Variants in KCNQ5 observed in about 807,000 individuals in gnomAD.
KCNQ5 encodes the protein potassium voltage-gated channel subfamily Q member 5.
KCNQ5 carries 30 observed loss-of-function variants against 98.2 expected under a neutral mutation model. The ratio of observed to expected loss-of-function variants is 0.31; its 90% confidence interval spans 0.23 to 0.41. KCNQ5 has a LOEUF of 0.41. Among genes scored for constraint, KCNQ5 ranks in the 10% least tolerant of loss-of-function variants. The pLI is 1.00. For synonymous variants in KCNQ5, 458 were observed against 449.4 expected, an observed-to-expected ratio of 1.02 and a Z score of -0.24; for missense variants, 835 against 1,182.5, an observed-to-expected ratio of 0.71 and a Z score of 4.31.
Position 73,077,796 on chromosome 6 carries a change from T to C in KCNQ5, c.827T>C (p.Val276Ala). The change falls in exon 5 of 14, where the codon GTT (valine) becomes GCT (alanine). Residue 276 changes from valine to alanine, a missense_variant. Val to Ala is a moderately conservative substitution (Grantham distance 64). Coordinates refer to ENST00000370398, the MANE Select transcript of KCNQ5 (RefSeq NM_019842.4). ...LITAWYIGFL[V>A]LIFSSFLVYL... Reference sequence around the variant, plus strand: ...ACAGCTTGGTACATAGGATTTTTGGTTCTTATTTTTTCGTCTTTCCTTGTC... The same window carrying C: ...ACAGCTTGGTACATAGGATTTTTGGCTCTTATTTTTTCGTCTTTCCTTGTC... 1 of 1,611,836 alleles carries C rather than the reference T, an allele frequency of 6.2e-7. No individual in the cohort carries two copies. The highest frequency in any genetic ancestry group is 8.5e-7 in the Non-Finnish European group (1 of 1,178,232).
chr6:72,679,912 C>T (rs554230099), intron 1 of KCNQ5, among the ~76,000 whole-genome samples: 1 of 152,168 alleles, frequency 6.6e-6, no homozygotes, highest in African/African-American at 2.4e-5. Context: ...GTAGTGCATG[C>T]CTGCAATCCC....
At chr6:72,790,079 C>T (rs1262371876) in intron 1 of KCNQ5, among the ~76,000 whole-genome samples, 2 of 152,210 alleles carry the variant, frequency 1.3e-5, no homozygotes, top group African/African-American at 4.8e-5. Flanking sequence ...GGGCATGTCT[C>T]TCCAGAATTC....
chr6:73,096,652 AT>A (rs1774514440), intron 5 of KCNQ5, among the ~76,000 whole-genome samples: 1 of 152,188 alleles, frequency 6.6e-6, no homozygotes, highest in Admixed American at 6.5e-5. Context: ...AGTTGTATAT[AT>A]TTCTGGGGTA....
intron 1 of KCNQ5, among the ~76,000 whole-genome samples, chr6:72,849,715 T>A (rs543751819): frequency 2.4e-4 from 36 of 152,290 alleles, no homozygotes; most frequent in Admixed American, 2.0e-3. Context: ...GCCCTCTATG[T>A]TTATGGAGAG....
intron 1 of KCNQ5, among the ~76,000 whole-genome samples, chr6:72,633,439 G>A (rs1025495317): frequency 6.6e-6 from 1 of 152,156 alleles, no homozygotes; most frequent in African/African-American, 2.4e-5. Flanking sequence ...TGGATTGGAA[G>A]AATCAATATT....
At chr6:72,996,319 A>T (rs1420137070) in intron 1 of KCNQ5, among the ~76,000 whole-genome samples, 1 of 152,252 alleles carries the variant, frequency 6.6e-6, no homozygotes. Context: ...AAAAGATCAC[A>T]GTCTCCGAAA....
intron 1 of KCNQ5, among the ~76,000 whole-genome samples, chr6:72,704,608 A>G (rs1024254640): frequency 1.3e-5 from 2 of 149,150 alleles, no homozygotes; most frequent in Non-Finnish European, 3.0e-5. Context: ...CTTTCCTAAG[A>G]AAAAGGGGAT....
chr6:73,128,365 G>A (rs994577051), intron 9 of KCNQ5, among the ~76,000 whole-genome samples: 2 of 152,118 alleles, frequency 1.3e-5, no homozygotes, highest in Non-Finnish European at 2.9e-5. Flanking sequence ...AAAATTAGTT[G>A]GAAAAGTCAT....
intron 1 of KCNQ5, among the ~76,000 whole-genome samples, chr6:72,634,072 T>A (rs949357075): frequency 6.6e-6 from 1 of 152,186 alleles, no homozygotes; most frequent in African/African-American, 2.4e-5. Context: ...GCTGCTATAA[T>A]CTTGATTGTG....
At chr6:72,660,806 A>C (rs550781501) in intron 1 of KCNQ5, among the ~76,000 whole-genome samples, 1 of 152,306 alleles carries the variant, frequency 6.6e-6, no homozygotes, top group South Asian at 2.1e-4. Flanking sequence ...CTTCATGAGA[A>C]CTAACAGGTA....
In KCNQ5 at chr6:72,900,620, G is replaced by A. The variant is rs150624280; in HGVS notation, c.399-103288G>A. On this transcript the variant is annotated intron_variant, in intron 1 of 13. Coordinates refer to ENST00000370398, the MANE Select transcript of KCNQ5 (RefSeq NM_019842.4). ...ATTGTGCTGCTATAAACATGCATGT[G>A]CAAGTATCTTTTTCGCATAATGACT... Among the ~76,000 whole-genome samples the A allele has an allele frequency of 1.4e-4, 21 of 151,338 alleles. No homozygotes were observed. In the East Asian group the frequency reaches 4.1e-3, roughly 29 times the overall value.
chr6:73,111,511 CTTTT>C, intron 7 of KCNQ5, 108 bp downstream of exon 7: 1 of 779,060 alleles, frequency 1.3e-6, no homozygotes. Flanking sequence ...TGCTTTGTTC[CTTTT>C]TATAAAATGA....
At chr6:72,631,052 T>A (rs1279232929) in intron 1 of KCNQ5, among the ~76,000 whole-genome samples, 1 of 152,176 alleles carries the variant, frequency 6.6e-6, no homozygotes, top group Non-Finnish European at 1.5e-5. Flanking sequence ...AGAGTTGAAA[T>A]GTATTAGTGA....
At chr6:73,150,638 T>C (rs1165380482) in intron 10 of KCNQ5, among the ~76,000 whole-genome samples, 1 of 150,960 alleles carries the variant, frequency 6.6e-6, no homozygotes, top group African/African-American at 2.4e-5. Context: ...AGGTTAAACA[T>C]ATCGTGGCAC....
rs567270686 is a variant in KCNQ5, at chr6:72,980,741, T to G, written c.399-23167T>G. ...TAGGAGTGGTGAGAGAGGGCATCCC[T>G]GTCTTGTGCCAGTTTTCAAAGGAAA... On this transcript the variant is annotated intron_variant, in intron 1 of 13. Coordinates refer to ENST00000370398, the MANE Select transcript of KCNQ5 (RefSeq NM_019842.4). Among the ~76,000 whole-genome samples, 8 of 152,366 alleles carry G rather than the reference T, an allele frequency of 5.3e-5. No individual in the cohort carries two copies. In the South Asian group the frequency reaches 1.7e-3, roughly 32 times the overall value.
At chr6:72,705,667 C>T (rs1007731256) in intron 1 of KCNQ5, among the ~76,000 whole-genome samples, 1 of 151,082 alleles carries the variant, frequency 6.6e-6, no homozygotes. Context: ...GTAATCTCTT[C>T]CCCTGTAGGA....
At chr6:72,822,893 AC>A (rs1775820314) in intron 1 of KCNQ5, among the ~76,000 whole-genome samples, 1 of 152,188 alleles carries the variant, frequency 6.6e-6, no homozygotes, top group South Asian at 2.1e-4. Flanking sequence ...TCCACAAACC[AC>A]CTGTATTCCT....
chr6:72,943,192 C>T (rs2150243864), intron 1 of KCNQ5, among the ~76,000 whole-genome samples: 1 of 152,294 alleles, frequency 6.6e-6, no homozygotes, highest in South Asian at 2.1e-4. Flanking sequence ...GCCTCTTATA[C>T]TGTCGCTGAA....
chr6:72,761,960 T>C (rs2982751), intron 1 of KCNQ5, among the ~76,000 whole-genome samples: 102,667 of 151,910 alleles, frequency 0.68, 39,343 homozygotes, highest in East Asian at 0.95. Context: ...GATCTGGTTT[T>C]CTTCTCCTGT....
Sources: gnomAD v4.1 joint callset for allele counts (sites outside exome capture counted in the v4.1 genomes callset) on GRCh38, gnomAD v4.1.1 for gene constraint, MANE v1.5 for transcripts, NCBI Gene and HGNC (gene_info 2026-07-23, HGNC 2026-07-21) for gene names.